Variants in HERC4 observed in about 807,000 individuals in gnomAD.
HERC4 encodes probable E3 ubiquitin-protein ligase HERC4.
HERC4 carries 28 observed loss-of-function variants against 124.3 expected under a neutral mutation model. The ratio of observed to expected loss-of-function variants is 0.23; its 90% CI spans 0.17 to 0.31. The LOEUF (loss-of-function observed/expected upper bound fraction) is 0.31, where lower values mean the gene tolerates loss of function less well. Among genes scored for constraint, HERC4 ranks in the 10% least tolerant of loss-of-function variants. The pLI is 1.00. For synonymous variants in HERC4, 407 were observed against 421.5 expected (o/e 0.97, Z 0.42); for missense variants, 713 against 1,229.3 (o/e 0.58, Z 6.28).
At chr10:68,007,441 T>A (rs1047948357) in intron 9 of HERC4, among the ~76,000 whole-genome samples, 2 of 152,206 alleles carry the variant, frequency 1.3e-5, no homozygotes, top group African/African-American at 2.4e-5. Context: ...GCTTTGTCTC[T>A]TCATGTTTGG....
intron 19 of HERC4, among the ~76,000 whole-genome samples, chr10:67,953,306 T>C (rs1256787487): frequency 1.3e-5 from 2 of 152,244 alleles, no homozygotes; most frequent in East Asian, 3.8e-4. Context: ...TTTTAAATTA[T>C]ATCAAAACTA....
chr10:68,062,473 G>A lies in HERC4; in HGVS notation c.226+10410C>T, dbSNP rs138255633. ...TTTCTTGCTTTAAAGGACTACCATC[G>A]GCCGGGCACGGTGGCTCACGCCTGT... On this transcript the variant is annotated intron_variant, in intron 3 of 24. Coordinates refer to ENST00000373700, the MANE Select transcript of HERC4 (RefSeq NM_015601.4). Among the ~76,000 whole-genome samples, 649 of 151,936 alleles carry A rather than the reference G, an allele frequency of 4.3e-3. 5 individuals carry two copies. The highest frequency in any genetic ancestry group is 0.015 in the African/African-American group (618 of 41,402).
chr10:68,039,467 A>G (rs896133889), intron 4 of HERC4: 2 of 1,550,984 alleles, frequency 1.3e-6, no homozygotes, highest in East Asian at 2.4e-5. Context: ...GAGAGTCGAC[A>G]CACATGATTT....
chr10:67,979,830 A>T (rs1162981193), intron 15 of HERC4, among the ~76,000 whole-genome samples: 1 of 151,996 alleles, frequency 6.6e-6, no homozygotes, highest in Non-Finnish European at 1.5e-5. Flanking sequence ...CCAGCTACTC[A>T]GGAGGCTGAG....
At chr10:68,015,356 A>C (rs1444548415) in intron 8 of HERC4, among the ~76,000 whole-genome samples, 1 of 152,230 alleles carries the variant, frequency 6.6e-6, no homozygotes, top group African/African-American at 2.4e-5. Context: ...AGAGCAGCCC[A>C]GTTAAGCCCG....
intron 14 of HERC4, among the ~76,000 whole-genome samples, chr10:67,990,007 A>G (rs1202298614): frequency 6.6e-6 from 1 of 152,060 alleles, no homozygotes; most frequent in African/African-American, 2.4e-5. Context: ...TTGAACTTCT[A>G]TATCTAACAT....
At chr10:68,028,951 G>A (rs1009360300) in intron 7 of HERC4, among the ~76,000 whole-genome samples, 1 of 151,986 alleles carries the variant, frequency 6.6e-6, no homozygotes, top group African/African-American at 2.4e-5. Flanking sequence ...TGGGAGGCTC[G>A]CTTAAAACCA....
chr10:67,935,967 C>T (rs2032322934), intron 22 of HERC4, among the ~76,000 whole-genome samples, 186 bp downstream of exon 22: 1 of 152,152 alleles, frequency 6.6e-6, no homozygotes, highest in Non-Finnish European at 1.5e-5. Flanking sequence ...TGTCACTTCT[C>T]CCTTCTCTTT....
chr10:67,987,438 G>C (rs1307831285), intron 15 of HERC4, among the ~76,000 whole-genome samples: 1 of 152,154 alleles, frequency 6.6e-6, no homozygotes, highest in Non-Finnish European at 1.5e-5. Context: ...AAAGCAGTAG[G>C]ATGAAGTCCA....
Position 67,928,920 on chromosome 10 carries a change from C to CA in HERC4, c.2838+3676dup, listed in dbSNP as rs796555137. On this transcript the variant is annotated intron_variant, in intron 23 of 24. Transcript: ENST00000373700. ...TGGGCGACAGAGCAAGACTCCATCT[C>CA]AAAAAAAAAAAGAGTTGCCTCCTGA... Among the ~76,000 whole-genome samples, 308 of 142,114 alleles carry CA rather than the reference C, an allele frequency of 2.2e-3. 1 individual carries two copies. Among genetic ancestry groups the CA allele is most frequent in the African/African-American group, 6.0e-3 (234 of 38,926 alleles). 93.2% of individuals were successfully genotyped at this position (142,114 alleles called of 152,430 possible).
intron 7 of HERC4, among the ~76,000 whole-genome samples, chr10:68,028,391 C>T (rs553687070): frequency 6.6e-6 from 1 of 152,172 alleles, no homozygotes; most frequent in African/African-American, 2.4e-5. Context: ...TTTTTGCAGT[C>T]ATTATTTCTT....
chr10:68,033,920 T>C (rs2039334719), intron 6 of HERC4, 45 bp downstream of exon 6: 5 of 1,490,720 alleles, frequency 3.4e-6, no homozygotes, highest in Non-Finnish European at 4.7e-6. Flanking sequence ...CAAAAGACCA[T>C]CTCTTTCAAA....
intron 9 of HERC4, among the ~76,000 whole-genome samples, chr10:67,996,942 C>T (rs1199618409): frequency 1.3e-5 from 2 of 151,650 alleles, no homozygotes; most frequent in Admixed American, 1.3e-4. Flanking sequence ...GAGCTGAGAC[C>T]GCTCCACTAC....
chr10:68,046,508 A>C (rs1378541109), intron 3 of HERC4, among the ~76,000 whole-genome samples: 4 of 152,236 alleles, frequency 2.6e-5, no homozygotes, highest in African/African-American at 4.8e-5. Context: ...TGTATTGTAC[A>C]CTTCTTGTGC....
In HERC4 at chr10:67,959,129, T is replaced by C. The variant is rs1297407345; in HGVS notation, c.1927-2153A>G. On this transcript the variant is annotated intron_variant, in intron 16 of 24. Coordinates refer to ENST00000373700, the MANE Select transcript of HERC4 (RefSeq NM_015601.4). The stretch of plus-strand genomic sequence containing the variant: ...CAAACTTACCTCAGTTAATCCATGG[T>C]TGACATCCTAAGACAGCAGTGCAGA... 13 of 1,598,096 alleles carry C rather than the reference T, an allele frequency of 8.1e-6. No individual in the cohort carries two copies. In the Admixed American group the frequency reaches 1.2e-4, roughly 15 times the overall value.
chr10:68,038,111 A>G lies in HERC4; in HGVS notation c.445T>C (p.Ser149Pro). 1 of 1,522,728 alleles carries G rather than the reference A, an allele frequency of 6.6e-7. No homozygotes were observed. Among genetic ancestry groups the G allele is most frequent in the Non-Finnish European group, 8.8e-7 (1 of 1,134,462 alleles). 94.3% of individuals were successfully genotyped at this position (1,522,728 alleles called of 1,614,324 possible). ...IVQVACGYYH[S>P]LALSKASEVF... ...TGCTTACCTTTAGAAAGTGCAAGTG[A>G]ATGATAGTAACCACAAGCAACCTGT... Residue 149 changes from serine to proline, a missense_variant, in exon 5 of 25, where the codon TCA (serine) becomes CCA (proline). Transcript: ENST00000373700.
intron 19 of HERC4, among the ~76,000 whole-genome samples, chr10:67,953,662 A>G (rs945597515): frequency 6.6e-6 from 1 of 152,218 alleles, no homozygotes; most frequent in African/African-American, 2.4e-5. Context: ...ACTTGAAAGC[A>G]AAACACAAAA....
intron 3 of HERC4, among the ~76,000 whole-genome samples, chr10:68,060,006 T>G (rs1271038646): frequency 6.9e-6 from 1 of 144,030 alleles, no homozygotes; most frequent in Non-Finnish European, 1.5e-5. Flanking sequence ...TCCATTGTTC[T>G]AATTGGCTCT....
intron 9 of HERC4, among the ~76,000 whole-genome samples, chr10:68,012,834 A>C (rs2038043609): frequency 6.6e-6 from 1 of 152,216 alleles, no homozygotes; most frequent in Non-Finnish European, 1.5e-5. Context: ...AAAGCTTATA[A>C]GCTTTAGTAA....
Sources: allele counts gnomAD v4.1 joint callset (sites outside exome capture counted in the v4.1 genomes callset), GRCh38; gene constraint gnomAD v4.1.1; transcripts MANE v1.5; gene names NCBI Gene and HGNC (gene_info 2026-07-23, HGNC 2026-07-21).